Variants in EDN3 observed in about 807,000 individuals in gnomAD.
EDN3 encodes endothelin-3.
A neutral mutation model predicts 21.4 loss-of-function variants in EDN3; 9 were observed. That is an observed-to-expected ratio of 0.42 (90% confidence interval 0.25 to 0.73). The LOEUF (loss-of-function observed/expected upper bound fraction) is 0.73. EDN3 is among the 30% of genes least tolerant of loss of function. The pLI is 0.26. For missense variants in EDN3, 327 were observed against 309.4 expected, an observed-to-expected ratio of 1.06 and a Z score of -0.43; for synonymous variants, 133 against 126.2, an observed-to-expected ratio of 1.05 and a Z score of -0.36.
Position 59,324,599 on chromosome 20 carries a change from C to A in EDN3, c.*140C>A, listed in dbSNP as rs953126688. The A allele has an allele frequency of 1.6e-4, 40 of 249,250 alleles. No individual in the cohort carries two copies. The Admixed American group carries it at 2.9e-3, about 18-fold the overall frequency. The allele number at this position is 249,250 out of a possible 1,614,324, so 15.4% of individuals were successfully genotyped here. On this transcript the variant is annotated 3_prime_UTR_variant, in exon 5 of 5. Transcript: ENST00000337938. ...CCCAAAGAGTCCCCACTTAACAATA[C>A]CCCCCCCCCACGGCAAGAATGCCCA...
intron 4 of EDN3, chr20:59,323,747 C>T (rs1047066166): frequency 1.4e-4 from 55 of 405,164 alleles, no homozygotes; most frequent in African/African-American, 6.6e-4. Flanking sequence ...TGAGTGCAAA[C>T]GCCCTAGAGT....
At position 59,301,477 on chromosome 20, in the gene EDN3, C is replaced by A; in HGVS notation, c.120C>A (p.Ala40=). The change falls in exon 2 of 5, where the codon GCC becomes GCA. Residue 40 remains alanine, a synonymous_variant. Coordinates refer to ENST00000337938, the MANE Select transcript of EDN3 (RefSeq NM_207034.3). ...GCGTGTCCCAGGCCCCCACTGCAGC[C>A]AGATCTGAGGGGGACTGTGAAGAGA... The part of the protein sequence containing the change: ...RRGVSQAPTA[A]RSEGDCEETV... 6.2e-7 allele frequency: 1 copy of A among 1,613,324 alleles called. No individual in the cohort carries two copies. Among genetic ancestry groups the A allele is most frequent in the East Asian group, 2.2e-5 (1 of 44,874 alleles).
chr20:59,306,587 A>C (rs1375557873), intron 2 of EDN3, among the ~76,000 whole-genome samples: 2 of 141,470 alleles, frequency 1.4e-5, no homozygotes, highest in African/African-American at 5.1e-5. Context: ...CCCTAAATGC[A>C]TAAAGAGTAA....
intron 2 of EDN3, among the ~76,000 whole-genome samples, chr20:59,319,050 A>G (rs953642536): frequency 6.6e-6 from 1 of 152,148 alleles, no homozygotes; most frequent in Non-Finnish European, 1.5e-5. Flanking sequence ...CCCATTTCCC[A>G]TTCCTGAGAA....
In EDN3 at chr20:59,300,908, C is replaced by G. The variant is rs1270616823; in HGVS notation, c.52+44C>G. ...GCGCCTCTCCTGGCGCGAGCGCACA[C>G]AAAAGGACCCAGGGCGGGGGACCCG... is the stretch of plus-strand genomic sequence containing the variant. On this transcript the variant is annotated intron_variant, in intron 1 of 4. Coordinates refer to ENST00000337938, the MANE Select transcript of EDN3 (RefSeq NM_207034.3). 2.5e-6 allele frequency: 4 copies of G among 1,601,214 alleles called. No individual in the cohort carries two copies. The South Asian group carries it at 4.4e-5, about 18-fold the overall frequency.
At chr20:59,323,869 T>C in intron 4 of EDN3, 1 of 488,480 alleles carries the variant, frequency 2.0e-6, no homozygotes, top group Admixed American at 3.7e-5. Flanking sequence ...ATGCAATTGG[T>C]GGTGCAGATG....
chr20:59,318,196 G>C (rs916876346), intron 2 of EDN3, among the ~76,000 whole-genome samples: 1 of 152,238 alleles, frequency 6.6e-6, no homozygotes, highest in Non-Finnish European at 1.5e-5. Context: ...GCTGCTTACA[G>C]GATGTAGGGT....
intron 2 of EDN3, among the ~76,000 whole-genome samples, chr20:59,303,540 G>T (rs561743720): frequency 6.6e-6 from 1 of 152,202 alleles, no homozygotes; most frequent in Non-Finnish European, 1.5e-5. Flanking sequence ...TGGAATTACA[G>T]ACAGGAACCT....
chr20:59,310,808 C>T (rs1438750992), intron 2 of EDN3, among the ~76,000 whole-genome samples: 1 of 98,144 alleles, frequency 1.0e-5, no homozygotes, highest in Non-Finnish European at 1.9e-5. Context: ...TGGACAGTTT[C>T]GCCCCACAAC....
Position 59,324,458 on chromosome 20 carries a change from A to G in EDN3, c.716A>G (p.Ter239TrpextTer66). The G allele has an allele frequency of 9.3e-6, 15 of 1,613,996 alleles. No homozygotes were observed. The highest frequency in any genetic ancestry group is 1.3e-5 in the Non-Finnish European group (15 of 1,179,982). The change falls in exon 5 of 5, where the codon TAG becomes TGG. Residue 239 changes from the stop codon to tryptophan (W), a stop_lost. Transcript: ENST00000337938. ...TGCCTCTTTCAGGAAGGAGCCCCTT[A>G]GGAGGACAGGCCTGCAGCATCCTGG... ...PRCLFQEGAP[*>W]
intron 2 of EDN3, 79 bp downstream of exon 2, chr20:59,301,801 C>A: frequency 6.7e-7 from 1 of 1,493,700 alleles, no homozygotes; most frequent in South Asian, 1.1e-5. Flanking sequence ...GACCTCACTC[C>A]ACCCCAGCCC....
intron 2 of EDN3, among the ~76,000 whole-genome samples, chr20:59,311,008 C>T (rs967903575): frequency 6.6e-6 from 1 of 152,038 alleles, no homozygotes; most frequent in Non-Finnish European, 1.5e-5. Flanking sequence ...TAGGAAAAAA[C>T]AAGTAAAATG....
intron 2 of EDN3, among the ~76,000 whole-genome samples, chr20:59,303,286 A>G (rs941153849): frequency 6.6e-6 from 1 of 152,172 alleles, no homozygotes; most frequent in African/African-American, 2.4e-5. Context: ...TTTGTGGGGA[A>G]GATAGAAGCT....
chr20:59,324,706 A>C lies in EDN3; in HGVS notation c.*247A>C. ...GCATGACGCCTGCAGCTCCGGTTTC[A>C]TGCAGGAAATTGGTTTTGGAGAGTT... On this transcript the variant is annotated 3_prime_UTR_variant, in exon 5 of 5. Coordinates refer to ENST00000337938, the MANE Select transcript of EDN3 (RefSeq NM_207034.3). 1.8e-6 allele frequency: 1 copy of C among 557,232 alleles called. No homozygotes were observed. Among genetic ancestry groups the C allele is most frequent in the Non-Finnish European group, 3.2e-6 (1 of 313,996 alleles). 34.5% of individuals were successfully genotyped at this position (557,232 alleles called of 1,614,324 possible).
chr20:59,318,488 C>T lies in EDN3; in HGVS notation c.366-2529C>T, dbSNP rs11570326. Among the ~76,000 whole-genome samples the T allele has an allele frequency of 2.5e-3, 387 of 152,330 alleles. 2 individuals carry two copies. Among genetic ancestry groups the T allele is most frequent in the African/African-American group, 8.8e-3 (366 of 41,568 alleles). ...AGCCCTGTGGGAGGTGGGCCTCCATCGCGAACTCTCATTCCAGACTCTACA... is the reference window on the plus strand; with the variant it reads ...AGCCCTGTGGGAGGTGGGCCTCCATTGCGAACTCTCATTCCAGACTCTACA... On this transcript the variant is annotated intron_variant, in intron 2 of 4. Coordinates refer to ENST00000337938, the MANE Select transcript of EDN3 (RefSeq NM_207034.3).
At chr20:59,301,771 C>T (rs759872315) in intron 2 of EDN3, 49 bp downstream of exon 2, 29 of 1,593,040 alleles carry the variant, frequency 1.8e-5, no homozygotes, top group Middle Eastern at 3.3e-4. Flanking sequence ...ACCAGGCCCA[C>T]ATCTGCTCAT....
At chr20:59,309,352 T>G (rs910133005) in intron 2 of EDN3, among the ~76,000 whole-genome samples, 6 of 152,192 alleles carry the variant, frequency 3.9e-5, no homozygotes, top group African/African-American at 1.4e-4. Context: ...ATATAATGCC[T>G]TGTAATTTGC....
intron 2 of EDN3, among the ~76,000 whole-genome samples, chr20:59,307,820 G>A (rs1989531467): frequency 6.6e-6 from 1 of 151,834 alleles, no homozygotes; most frequent in African/African-American, 2.4e-5. Flanking sequence ...GGAACCACAG[G>A]TGCGTGTCAC....
intron 2 of EDN3, among the ~76,000 whole-genome samples, chr20:59,318,310 C>A (rs1032334207): frequency 1.3e-5 from 2 of 152,190 alleles, no homozygotes; most frequent in African/African-American, 4.8e-5. Flanking sequence ...TGGGCCTCCA[C>A]CACATGTCGA....
Sources: gnomAD v4.1 joint callset for allele counts (sites outside exome capture counted in the v4.1 genomes callset) on GRCh38, gnomAD v4.1.1 for gene constraint, MANE v1.5 for transcripts, NCBI Gene and HGNC (gene_info 2026-07-23, HGNC 2026-07-21) for gene names.